Variants in PFKFB3 observed in about 807,000 individuals in gnomAD.
The protein encoded by PFKFB3 is 6-phosphofructo-2-kinase/fructose-2,6-bisphosphatase 3.
In PFKFB3, 33 loss-of-function variants were observed where a neutral mutation model predicts 68.0. The ratio of observed to expected loss-of-function variants is 0.49; its 90% CI spans 0.37 to 0.65. PFKFB3 has a LOEUF of 0.65. Among genes scored for constraint, PFKFB3 ranks in the 30% least tolerant of loss-of-function variants. PFKFB3 has a pLI of 0.00. For missense variants in PFKFB3, 586 were observed against 712.2 expected (o/e 0.82, Z 2.02); for synonymous variants, 315 against 288.2 (o/e 1.09, Z -0.94).
chr10:6,199,643 C>G (rs954126382), upstream of PFKFB3, among the ~76,000 whole-genome samples: 1 of 143,206 alleles, frequency 7.0e-6, no homozygotes, highest in South Asian at 2.2e-4. Flanking sequence ...AGCCACCATG[C>G]CCAGCTATTT....
chr10:6,260,893 A>G, the PFKFB3 span, among the ~76,000 whole-genome samples: 1 of 152,338 alleles, frequency 6.6e-6, no homozygotes, highest in East Asian at 1.9e-4. Flanking sequence ...GGATATGTAA[A>G]TGAGAGTGAG....
chr10:6,229,223 G>A lies in PFKFB3; in HGVS notation c.1515+2858G>A, dbSNP rs1845570847. ...GATTTTGGTGGCAAAGGGGTGAAGG[G>A]CCAGAGGATGTACCAGTGTCCTCCA... On this transcript the variant is annotated intron_variant, in intron 14 of 14. Transcript: ENST00000379775. This position sits in a 1 kb window ranked among gnomAD's most constrained non-coding sequence, Gnocchi z 4.3. The A allele has an allele frequency of 2.0e-6, 1 of 494,546 alleles. No homozygotes were observed. Among genetic ancestry groups the A allele is most frequent in the South Asian group, 1.5e-5 (1 of 66,688 alleles). 30.6% of individuals were successfully genotyped at this position (494,546 alleles called of 1,614,324 possible).
At position 6,228,338 on chromosome 10, in the gene PFKFB3, G is replaced by C. The variant is rs768162562; in HGVS notation, c.1515+1973G>C. The C allele has an allele frequency of 1.3e-5, 14 of 1,076,254 alleles. 2 individuals are homozygous for C. Among genetic ancestry groups the C allele is most frequent in the South Asian group, 1.1e-4 (9 of 79,146 alleles). 66.7% of individuals were successfully genotyped at this position (1,076,254 alleles called of 1,614,324 possible). The stretch of plus-strand genomic sequence containing the variant: ...AGTTTTGTGATGTGAGGTCTTCCGT[G>C]GGGGAAGGAGGAGATGGGCGTAGGA... On this transcript the variant is annotated intron_variant, in intron 14 of 14. Transcript: ENST00000379775. This position sits in a 1 kb window ranked among gnomAD's most constrained non-coding sequence, Gnocchi z 4.5.
chr10:6,155,156 T>C (rs916450153), intron 1 of PFKFB3, among the ~76,000 whole-genome samples: 1 of 151,904 alleles, frequency 6.6e-6, no homozygotes, highest in Non-Finnish European at 1.5e-5. Context: ...CTCCGGGCAC[T>C]GAGCATGCTC....
At chr10:6,312,950 G>A in the PFKFB3 span, among the ~76,000 whole-genome samples, 206 of 152,216 alleles carry the variant, frequency 1.4e-3, no homozygotes, top group African/African-American at 4.6e-3. Context: ...GAGTTATTTC[G>A]CTTTGCCATC....
intron 6 of PFKFB3, among the ~76,000 whole-genome samples, chr10:6,218,447 G>T (rs1844739524): frequency 7.7e-6 from 1 of 129,424 alleles, no homozygotes; most frequent in African/African-American, 3.2e-5. Flanking sequence ...TTTATTTATT[G>T]AAACGGACTC....
intron 14 of PFKFB3, among the ~76,000 whole-genome samples, chr10:6,230,555 G>A (rs1034683150): frequency 6.6e-6 from 1 of 152,092 alleles, no homozygotes; most frequent in African/African-American, 2.4e-5. Flanking sequence ...TGTTATCAGG[G>A]AGGAACTTGG....
chr10:6,167,487 A>G (rs1186394539), intron 1 of PFKFB3, among the ~76,000 whole-genome samples: 1 of 152,228 alleles, frequency 6.6e-6, no homozygotes, highest in Non-Finnish European at 1.5e-5. Context: ...CACATTTATT[A>G]AATTGTCACA....
chr10:6,149,740 C>T (rs1841516241), intron 1 of PFKFB3: 1 of 158,810 alleles, frequency 6.3e-6, no homozygotes. Flanking sequence ...CATGTGCGTC[C>T]CTCCCAAAGC....
Position 6,232,984 on chromosome 10 carries a change from T to C in PFKFB3, c.*42T>C, listed in dbSNP as rs760551092. The C allele has an allele frequency of 2.0e-6, 3 of 1,501,342 alleles. No homozygotes were observed. Among genetic ancestry groups the C allele is most frequent in the Non-Finnish European group, 2.8e-6 (3 of 1,077,764 alleles). 93.0% of individuals were successfully genotyped at this position (1,501,342 alleles called of 1,614,324 possible). A position where few individuals can be genotyped will look rare whatever the true frequency, so the allele number is the denominator to read the frequency against. On this transcript the variant is annotated 3_prime_UTR_variant, in exon 15 of 15. Transcript: ENST00000379775. ...CCATTCCATTTCCATTTCTGCAGCT[T>C]AGCTTGTGTCCTGCCCTCCGCCCGA...
rs375326707 is a variant in PFKFB3 at position 6,227,968 on chromosome 10, T to C, written c.1515+1603T>C. ...ACCAGGCTGGGGAAGGGGGTTGATA[T>C]CCTGAGCTGCACAGACCTCCGTCGT... On this transcript the variant is annotated intron_variant, in intron 14 of 14. Transcript: ENST00000379775. Among the ~76,000 whole-genome samples, 7 of 152,162 alleles carry C rather than the reference T, an allele frequency of 4.6e-5. No homozygotes were observed. In the East Asian group the frequency reaches 7.7e-4, roughly 17 times the overall value.
chr10:6,179,844 G>C (rs1013450412), intron 1 of PFKFB3, among the ~76,000 whole-genome samples: 1 of 152,140 alleles, frequency 6.6e-6, no homozygotes, highest in South Asian at 2.1e-4. Context: ...AGTGGGGAGG[G>C]AGTGGTTGTT....
intron 1 of PFKFB3, among the ~76,000 whole-genome samples, chr10:6,157,877 T>G (rs1007439147): frequency 6.6e-6 from 1 of 152,138 alleles, no homozygotes; most frequent in Non-Finnish European, 1.5e-5. Context: ...CCAATCCACG[T>G]TATGGAAAAA....
At chr10:6,175,432 G>A (rs1404920845) in intron 1 of PFKFB3, among the ~76,000 whole-genome samples, 1 of 152,190 alleles carries the variant, frequency 6.6e-6, no homozygotes, top group African/African-American at 2.4e-5. Context: ...GAACTCATCC[G>A]AGTGTGGGGA....
chr10:6,177,562 G>A (rs191313085), intron 1 of PFKFB3, among the ~76,000 whole-genome samples: 1 of 129,270 alleles, frequency 7.7e-6, no homozygotes, highest in African/African-American at 2.9e-5. Flanking sequence ...TTTCACTCTT[G>A]TTGCCCAGGC....
chr10:6,224,355 G>C, intron 13 of PFKFB3, 142 bp downstream of exon 13: 2 of 706,698 alleles, frequency 2.8e-6, no homozygotes, highest in South Asian at 3.3e-5. Context: ...GCCTTCCTCA[G>C]CACCTCTTTG....
the PFKFB3 span, among the ~76,000 whole-genome samples, chr10:6,288,533 T>G: frequency 1.3e-5 from 2 of 152,028 alleles, no homozygotes; most frequent in African/African-American, 4.8e-5. Flanking sequence ...GGACATGGAC[T>G]CATCCTTTTT....
At chr10:6,264,237 C>T in the PFKFB3 span, among the ~76,000 whole-genome samples, 7 of 152,322 alleles carry the variant, frequency 4.6e-5, no homozygotes, top group East Asian at 1.3e-3. Flanking sequence ...ATCACACTCC[C>T]TTAATGTAGC....
chr10:6,315,406 A>G, the PFKFB3 span, among the ~76,000 whole-genome samples: 4 of 152,248 alleles, frequency 2.6e-5, no homozygotes, highest in African/African-American at 4.8e-5. Flanking sequence ...GTTGCCTTAT[A>G]GAATGTCCCA....
Sources: allele counts gnomAD v4.1 joint callset (sites outside exome capture counted in the v4.1 genomes callset), GRCh38; gene constraint gnomAD v4.1.1; non-coding constraint Gnocchi (gnomAD v3.1); transcripts MANE v1.5; gene names NCBI Gene and HGNC (gene_info 2026-07-23, HGNC 2026-07-21).